CHUK: variants seen among roughly 807,000 people sequenced by gnomAD.
CHUK encodes the protein inhibitor of nuclear factor kappa-B kinase subunit alpha.
In CHUK, 35 loss-of-function variants were observed where a neutral mutation model predicts 104.8. That is an observed-to-expected ratio of 0.33 (90% confidence interval 0.26 to 0.44). The LOEUF (loss-of-function observed/expected upper bound fraction) is 0.44, where lower values mean the gene tolerates loss of function less well. CHUK is among the 20% of genes least tolerant of loss of function. The pLI, the probability that CHUK is intolerant of heterozygous loss-of-function variation, is 1.00. For synonymous variants in CHUK, 276 were observed against 291.9 expected (o/e 0.95, Z 0.56); for missense variants, 663 against 902.7 (o/e 0.73, Z 3.40).
intron 8 of CHUK, 31 bp from the exon 9 acceptor site, chr10:100,218,161 A>G: frequency 6.3e-7 from 1 of 1,587,632 alleles, no homozygotes; most frequent in East Asian, 2.2e-5. Context: ...GGTGAAAATC[A>G]AATCATTATG....
intron 1 of CHUK, among the ~76,000 whole-genome samples, chr10:100,228,361 T>C (rs1203161976): frequency 1.3e-5 from 2 of 152,160 alleles, no homozygotes; most frequent in African/African-American, 4.8e-5. Context: ...TATCAAAAAA[T>C]ACATGTCCCA....
chr10:100,220,541 G>C, intron 5 of CHUK, 47 bp downstream of exon 5: 2 of 1,256,664 alleles, frequency 1.6e-6, no homozygotes, highest in Non-Finnish European at 2.3e-6. Flanking sequence ...CTATATCAGA[G>C]AGACTATATT....
chr10:100,222,233 A>G (rs754614295), intron 3 of CHUK, 52 bp from the exon 4 acceptor site: 7 of 912,606 alleles, frequency 7.7e-6, no homozygotes, highest in South Asian at 6.6e-5. Flanking sequence ...CTGGGCTGCA[A>G]TAGTGACCAC....
At position 100,190,091 on chromosome 10, in the gene CHUK, G is replaced by A. The variant is rs531018697; in HGVS notation, c.2209-464C>T. 458 of 154,434 alleles carry A rather than the reference G, an allele frequency of 3.0e-3. 4 individuals are homozygous for A. Among genetic ancestry groups the A allele is most frequent in the African/African-American group, 0.011 (444 of 40,340 alleles). 9.6% of individuals were successfully genotyped at this position (154,434 alleles called of 1,614,324 possible). ...GGCTGGAGTGCAATGGCAGGATTAC[G>A]GCTCACTGCAGCCTGAAACTCTTGA... On this transcript the variant is annotated intron_variant, in intron 20 of 20. Transcript: ENST00000370397.
chr10:100,203,787 AC>A (rs563990900), intron 13 of CHUK, among the ~76,000 whole-genome samples: 77 of 152,336 alleles, frequency 5.1e-4, no homozygotes, highest in African/African-American at 1.8e-3. Flanking sequence ...TTTGAAAAAA[AC>A]ATAGCCTTAG....
At chr10:100,198,459 A>G (rs1040603088) in intron 16 of CHUK, among the ~76,000 whole-genome samples, 2 of 152,262 alleles carry the variant, frequency 1.3e-5, no homozygotes, top group African/African-American at 4.8e-5. Context: ...GGTAAAAAAT[A>G]TAACGGCTAC....
rs776146471 is a variant in CHUK at position 100,190,885 on chromosome 10, T to C, written c.2192A>G (p.Gln731Arg). ...STIIHEANEE[Q>R]GNSMMNLDWS... Reference sequence around the variant, plus strand: ...AAAACTTACCATCATACTATTGCCCTGTTCCTCATTTGCCTCATGAATAAT... The same window carrying C: ...AAAACTTACCATCATACTATTGCCCCGTTCCTCATTTGCCTCATGAATAAT... Residue 731 changes from glutamine (Q) to arginine (R), a missense_variant, in exon 20 of 21, where the codon CAG (glutamine) becomes CGG (arginine). Around this residue, in one of 5 missense-constraint regions of CHUK, gnomAD observed 311 missense variants for 393.4 expected, o/e 0.79. Coordinates refer to ENST00000370397, the MANE Select transcript of CHUK (RefSeq NM_001278.5). 1 of 1,604,416 alleles carries C rather than the reference T, an allele frequency of 6.2e-7. No homozygotes were observed. The highest frequency in any genetic ancestry group is 8.5e-7 in the Non-Finnish European group (1 of 1,171,076).
At chr10:100,189,776 A>C (rs1474165070) in intron 20 of CHUK, 149 bp from the exon 21 acceptor site, 3 of 603,556 alleles carry the variant, frequency 5.0e-6, no homozygotes, top group Non-Finnish European at 8.9e-6. Context: ...ATTTAAAAAA[A>C]TTTCAGAGTT....
In CHUK at chr10:100,201,926, T is replaced by C. The variant is rs184379325; in HGVS notation, c.1569+162A>G. On this transcript the variant is annotated intron_variant, in intron 14 of 20. Transcript: ENST00000370397. ...ATTTTCCCAAAGCCCTTGTTTTTAA[T>C]CACTATGATACATCCCTCTTTATAT... 6.6e-5 allele frequency among the ~76,000 whole-genome samples: 10 copies of C among 152,308 alleles called. No homozygotes were observed. The East Asian group carries it at 1.9e-3, about 29-fold the overall frequency.
At position 100,209,609 on chromosome 10, in the gene CHUK, C is replaced by T. The variant is rs997403096; in HGVS notation, c.1114G>A (p.Val372Ile). The T allele has an allele frequency of 6.2e-7, 1 of 1,600,318 alleles. No individual in the cohort carries two copies. The highest frequency in any genetic ancestry group is 8.6e-7 in the Non-Finnish European group (1 of 1,167,420). The stretch of plus-strand genomic sequence containing the variant: ...AATTTTCTTACAACTCCATCTAGAA[C>T]ACATTGAGAGGCTGGTTTCCGAGGA... ...LDPRKPASQCVLDGVRGCDSY... is the reference protein window; with the variant it reads ...LDPRKPASQCILDGVRGCDSY... The change falls in exon 10 of 21, where the codon GTT becomes ATT. Residue 372 changes from valine (V) to isoleucine (I), a missense_variant. Val to Ile is a conservative substitution (Grantham distance 29). Around this residue, in one of 5 missense-constraint regions of CHUK, gnomAD observed 93 missense variants for 95.9 expected, o/e 0.97. Coordinates refer to ENST00000370397, the MANE Select transcript of CHUK (RefSeq NM_001278.5).
intron 9 of CHUK, 62 bp from the exon 10 acceptor site, chr10:100,209,851 C>T: frequency 1.3e-6 from 1 of 767,528 alleles, no homozygotes; most frequent in African/African-American, 1.7e-5. Flanking sequence ...GATTCGCTGC[C>T]AGATACTAAA....
In CHUK at chr10:100,193,433, T is replaced by C; in HGVS notation, c.1975-2A>G. 6.2e-7 allele frequency: 1 copy of C among 1,614,076 alleles called. No individual in the cohort carries two copies. Among genetic ancestry groups the C allele is most frequent in the South Asian group, 1.1e-5 (1 of 91,084 alleles). On this transcript the variant is annotated splice_acceptor_variant, in intron 18 of 20. Coordinates refer to ENST00000370397, the MANE Select transcript of CHUK (RefSeq NM_001278.5). LOFTEE classifies it high-confidence loss of function. Reference sequence around the variant, plus strand: ...AAGGGACCGGGCAGAACTCTGTGTCTGAAGGAAAAGAAAAAAACATCAAAA... The same window carrying C: ...AAGGGACCGGGCAGAACTCTGTGTCCGAAGGAAAAGAAAAAAACATCAAAA...
In CHUK at chr10:100,229,434, C is replaced by T; in HGVS notation, c.99G>A (p.Gln33=). The change falls in exon 1 of 21, where the codon CAG becomes CAA. Residue 33 remains glutamine (Q), a synonymous_variant. Coordinates refer to ENST00000370397, the MANE Select transcript of CHUK (RefSeq NM_001278.5). ...TGGFGNVCLY[Q]HRELDLKIAI... is the part of the protein sequence containing the mutation. ...CTCTCACGCCCCGCCTCACCCGATG[C>T]TGGTACAGACAGACGTTCCCGAAGC... is the stretch of plus-strand genomic sequence containing the variant. 1 of 1,603,686 alleles carries T rather than the reference C, an allele frequency of 6.2e-7. No homozygotes were observed. The highest frequency in any genetic ancestry group is 8.5e-7 in the Non-Finnish European group (1 of 1,177,760).
intron 5 of CHUK, among the ~76,000 whole-genome samples, chr10:100,220,164 T>C (rs7897504): frequency 0.071 from 10,764 of 152,194 alleles, 645 homozygotes; most frequent in African/African-American, 0.16. Flanking sequence ...AAAATATATA[T>C]ACTTTCTTTT....
At chr10:100,205,934 C>CA (rs1269623407) in intron 11 of CHUK, among the ~76,000 whole-genome samples, 1 of 151,962 alleles carries the variant, frequency 6.6e-6, no homozygotes, top group Non-Finnish European at 1.5e-5. Context: ...ATCTCAAAAA[C>CA]AAAACAAAAA....
chr10:100,225,934 C>G lies in CHUK; in HGVS notation c.189G>C (p.Gln63His), dbSNP rs1340199096. 6.9e-6 allele frequency: 11 copies of G among 1,592,182 alleles called. No homozygotes were observed. In the Admixed American group the frequency reaches 1.3e-4, roughly 19 times the overall value. ...AGGAATACACTTACTTCTTCATAAT[C>G]TGGATTTCATGGCACCATCGTTCTC... ...KNRERWCHEI[Q>H]IMKKLNHANV... Residue 63 changes from glutamine to histidine, a missense_variant, in exon 2 of 21, where the codon CAG (glutamine) becomes CAC (histidine). Gln to His is a conservative substitution (Grantham distance 24). This residue lies in a region of CHUK where 200 missense variants were observed against 333.0 expected (regional missense o/e 0.60). Coordinates refer to ENST00000370397, the MANE Select transcript of CHUK (RefSeq NM_001278.5).
intron 9 of CHUK, among the ~76,000 whole-genome samples, chr10:100,216,135 T>C (rs1845849472): frequency 6.6e-6 from 1 of 152,218 alleles, no homozygotes; most frequent in South Asian, 2.1e-4. Context: ...TGTGGACTCT[T>C]TCCCCGTGCC....
chr10:100,215,840 T>C (rs959052324), intron 9 of CHUK, among the ~76,000 whole-genome samples: 6 of 152,218 alleles, frequency 3.9e-5, no homozygotes, highest in Non-Finnish European at 8.8e-5. Context: ...TTGCTCATGA[T>C]GCTCTGCTGC....
intron 1 of CHUK, 88 bp downstream of exon 1, chr10:100,229,340 A>G (rs1299222748): frequency 2.1e-5 from 20 of 969,984 alleles, no homozygotes; most frequent in South Asian, 4.0e-5. Flanking sequence ...CCAACCATCT[A>G]TCCCACACTG....
Sources: gnomAD v4.1 joint callset for allele counts (sites outside exome capture counted in the v4.1 genomes callset) on GRCh38, gnomAD v4.1.1 for gene constraint, gnomAD v4.1.1 regional missense constraint, MANE v1.5 for transcripts, NCBI Gene and HGNC (gene_info 2026-07-23, HGNC 2026-07-21) for gene names.